The following SUPT20H variants were observed in gnomAD, a reference collection of about 807,000 sequenced individuals.
SUPT20H encodes SPT20 homolog, SAGA complex component, also known as transcription factor SPT20 homolog.
In SUPT20H, 82 loss-of-function variants were observed where a neutral mutation model predicts 122.8. The ratio of observed to expected loss-of-function variants is 0.67; its 90% CI spans 0.56 to 0.80. The LOEUF is 0.80. Ranked by LOEUF, SUPT20H falls within the 30% of genes least tolerant of loss-of-function variation. SUPT20H has a pLI of 0.00. For missense variants in SUPT20H, 831 were observed against 921.6 expected, an observed-to-expected ratio of 0.90 and a Z score of 1.27; for synonymous variants, 291 against 313.0, an observed-to-expected ratio of 0.93 and a Z score of 0.74.
intron 23 of SUPT20H, among the ~76,000 whole-genome samples, chr13:37,016,444 AG>A (rs1445425725): frequency 6.8e-6 from 1 of 147,444 alleles, no homozygotes; most frequent in Non-Finnish European, 1.5e-5. Context: ...AAAAAAAAAA[AG>A]TTAAAATGGT....
chr13:37,025,508 G>C, intron 16 of SUPT20H, 71 bp from the exon 17 acceptor site: 1 of 1,018,414 alleles, frequency 9.8e-7, no homozygotes, highest in Non-Finnish European at 1.5e-6. Context: ...TTATAGGAAA[G>C]AATAATGACT....
intron 16 of SUPT20H, 177 bp downstream of exon 16, chr13:37,026,027 G>T: frequency 2.2e-6 from 1 of 455,454 alleles, no homozygotes; most frequent in Non-Finnish European, 3.9e-6. Context: ...GACCTTAGAG[G>T]TTTTATTGTC....
Position 37,033,699 on chromosome 13 carries a change from TA to T in SUPT20H, c.568-112del. The stretch of plus-strand genomic sequence containing the variant: ...CCTGGAATTCTGCTAAGGACTACAG[TA>T]AAATATGGTATTTCAAGTTCCAATG... On this transcript the variant is annotated intron_variant, in intron 9 of 25. Transcript: ENST00000350612. 4.3e-6 allele frequency: 5 copies of T among 1,154,382 alleles called. No homozygotes were observed. The South Asian group carries it at 8.0e-5, about 19-fold the overall frequency. 71.5% of individuals were successfully genotyped at this position (1,154,382 alleles called of 1,614,324 possible). A position where few individuals can be genotyped will look rare whatever the true frequency, so the allele number is the denominator to read the frequency against.
At chr13:37,048,487 T>C (rs1005975705) in intron 3 of SUPT20H, 77 bp downstream of exon 3, 6 of 1,368,896 alleles carry the variant, frequency 4.4e-6, no homozygotes, top group African/African-American at 3.0e-5. Context: ...AAAAATCACA[T>C]ACAAAAATCT....
At chr13:37,036,612 G>A (rs1449914768) in intron 9 of SUPT20H, among the ~76,000 whole-genome samples, 3 of 151,976 alleles carry the variant, frequency 2.0e-5, no homozygotes, top group African/African-American at 4.8e-5. Context: ...GAGCCACTGC[G>A]ACCAGCTAGG....
At chr13:37,026,142 T>C in intron 16 of SUPT20H, 62 bp downstream of exon 16, 1 of 1,407,444 alleles carries the variant, frequency 7.1e-7, no homozygotes, top group African/African-American at 1.5e-5. Flanking sequence ...TTCTCTATCC[T>C]ATAAGGGTGA....
At chr13:37,054,259 C>T (rs1419371425) in intron 1 of SUPT20H, among the ~76,000 whole-genome samples, 2 of 152,208 alleles carry the variant, frequency 1.3e-5, no homozygotes, top group African/African-American at 4.8e-5. Context: ...TCCTCCCTAA[C>T]TCATTTTATG....
intron 9 of SUPT20H, among the ~76,000 whole-genome samples, chr13:37,037,241 G>T (rs8001662): frequency 0.83 from 126,214 of 151,182 alleles, 53,780 homozygotes; most frequent in East Asian, 1. Context: ...CCAACAGTAG[G>T]TATTAGTAGT....
intron 13 of SUPT20H, among the ~76,000 whole-genome samples, chr13:37,028,915 G>T (rs138253848): frequency 1.9e-3 from 280 of 150,550 alleles, no homozygotes; most frequent in Middle Eastern, 6.8e-3. Flanking sequence ...TAATATGGCA[G>T]AATTTCATAC....
chr13:37,039,879 GA>G (rs1279482589), intron 9 of SUPT20H: 1 of 152,066 alleles, frequency 6.6e-6, no homozygotes, highest in East Asian at 1.9e-4. Flanking sequence ...ATATTGAGAA[GA>G]AAAGTTTATA....
intron 2 of SUPT20H, among the ~76,000 whole-genome samples, chr13:37,049,979 C>G (rs1167267371): frequency 6.6e-6 from 1 of 152,092 alleles, no homozygotes; most frequent in African/African-American, 2.4e-5. Context: ...CTACCACCCA[C>G]CAAAGTCCCA....
chr13:37,026,138 A>G (rs1057039873), intron 16 of SUPT20H, 66 bp downstream of exon 16: 96 of 1,345,820 alleles, frequency 7.1e-5, no homozygotes, highest in Non-Finnish European at 9.3e-5. Flanking sequence ...AGTATTCTCT[A>G]TCCTATAAGG....
At chr13:37,012,387 G>T in intron 23 of SUPT20H, 90 bp from the exon 24 acceptor site, 1 of 1,003,570 alleles carries the variant, frequency 1.0e-6, no homozygotes, top group East Asian at 2.4e-5. Flanking sequence ...CTATATGAAA[G>T]AAAGCAGTAT....
At chr13:37,036,780 T>G (rs1395609085) in intron 9 of SUPT20H, among the ~76,000 whole-genome samples, 1 of 152,192 alleles carries the variant, frequency 6.6e-6, no homozygotes, top group Non-Finnish European at 1.5e-5. Flanking sequence ...TGAAGACCTT[T>G]AATATGATAT....
chr13:37,016,718 A>T (rs1326479188), intron 23 of SUPT20H, among the ~76,000 whole-genome samples: 2 of 152,100 alleles, frequency 1.3e-5, no homozygotes, highest in Non-Finnish European at 2.9e-5. Flanking sequence ...ATATTTTTTT[A>T]ATTTCCCAGA....
intron 9 of SUPT20H, chr13:37,039,676 T>C (rs1422019554): frequency 6.6e-6 from 1 of 152,104 alleles, no homozygotes; most frequent in Non-Finnish European, 1.5e-5. Flanking sequence ...CAGTCCAGAT[T>C]TGGCTCCTTC....
chr13:37,042,851 A>T (rs546634092), intron 7 of SUPT20H, among the ~76,000 whole-genome samples: 1 of 152,156 alleles, frequency 6.6e-6, no homozygotes, highest in Admixed American at 6.5e-5. Context: ...GGATTTTTTT[A>T]AAATTTGAGA....
intron 10 of SUPT20H, among the ~76,000 whole-genome samples, 194 bp downstream of exon 10, chr13:37,033,255 G>A (rs1453302693): frequency 6.6e-6 from 1 of 151,892 alleles, no homozygotes; most frequent in South Asian, 2.1e-4. Context: ...ATTCCCAGCT[G>A]TTTGGGAAGC....
rs1450165202 is a variant in SUPT20H at position 37,024,214 on chromosome 13, T to C, written c.1433-21A>G. ...GTTACCTAGAAGAACATAAAAGTTA[T>C]TTCCTAAATTTATAATTCAAACTTC... On this transcript the variant is annotated intron_variant, in intron 18 of 25. Transcript: ENST00000350612. 5 of 1,587,742 alleles carry C rather than the reference T, an allele frequency of 3.1e-6. No individual in the cohort carries two copies. The East Asian group carries it at 1.1e-4, about 36-fold the overall frequency.
Sources: gnomAD v4.1 joint callset for allele counts (sites outside exome capture counted in the v4.1 genomes callset) on GRCh38, gnomAD v4.1.1 for gene constraint, MANE v1.5 for transcripts, NCBI Gene and HGNC (gene_info 2026-07-23, HGNC 2026-07-21) for gene names.